SCAF4: variants seen among roughly 807,000 people sequenced by gnomAD.
The protein encoded by SCAF4 is SR-related CTD associated factor 4.
In SCAF4, 25 loss-of-function variants were observed where a neutral mutation model predicts 129.8. The observed-to-expected ratio is 0.19, with a 90% CI of 0.14 to 0.27. The LOEUF (loss-of-function observed/expected upper bound fraction) is 0.27, where lower values mean the gene tolerates loss of function less well. SCAF4 is among the 10% of genes least tolerant of loss of function. The probability of loss-of-function intolerance (pLI) is 1.00; values close to 1 mark genes in which losing one functional copy is unlikely to be tolerated. For missense variants in SCAF4, 1,246 were observed against 1,457.1 expected, an observed-to-expected ratio of 0.86 and a Z score of 2.36; for synonymous variants, 551 against 497.7, an observed-to-expected ratio of 1.11 and a Z score of -1.43.
chr21:31,719,072 C>T (rs911853316), intron 1 of SCAF4, among the ~76,000 whole-genome samples: 7 of 152,112 alleles, frequency 4.6e-5, no homozygotes, highest in African/African-American at 9.7e-5. Context: ...AGACAGATCG[C>T]CTGAGGTCAG....
rs2051377332 is a variant in SCAF4 at position 31,732,026 on chromosome 21, C to G, written c.-334G>C. 3 of 444,552 alleles carry G rather than the reference C, an allele frequency of 6.7e-6. No individual in the cohort carries two copies. Among genetic ancestry groups the G allele is most frequent in the African/African-American group, 6.2e-5 (3 of 48,592 alleles). The allele number at this position is 444,552 out of a possible 1,614,324, so 27.5% of individuals were successfully genotyped here. On this transcript the variant is annotated 5_prime_UTR_variant, in exon 1 of 20. Coordinates refer to ENST00000286835, the MANE Select transcript of SCAF4 (RefSeq NM_020706.2). The stretch of plus-strand genomic sequence containing the variant: ...CCCCGCGCCCTCACGCACTGGCTCA[C>G]ACTGGCCCGGCCGGCGAGCGGGCGG...
chr21:31,701,145 T>C lies in SCAF4; in HGVS notation c.627A>G (p.Gln209=), dbSNP rs1264248044. The change falls in exon 7 of 20, where the codon CAA becomes CAG. Residue 209 remains glutamine, a synonymous_variant. Transcript: ENST00000286835. Reference sequence around the variant, plus strand: ...CAGGAGACTGTGGTTTTGGAGGCTGTTGAAAAGTCTGAAGGATCTGCTGAA... The same window carrying C: ...CAGGAGACTGTGGTTTTGGAGGCTGCTGAAAAGTCTGAAGGATCTGCTGAA... ...QQLQQILQTF[Q]QPPKPQSPAL... 5.0e-6 allele frequency: 8 copies of C among 1,599,270 alleles called. No homozygotes were observed. Among genetic ancestry groups the C allele is most frequent in the South Asian group, 2.2e-5 (2 of 89,228 alleles).
chr21:31,713,251 A>G (rs2050848014), intron 1 of SCAF4, among the ~76,000 whole-genome samples: 1 of 152,198 alleles, frequency 6.6e-6, no homozygotes, highest in Admixed American at 6.5e-5. Flanking sequence ...TTGATTTTCC[A>G]CAATAATTTG....
At chr21:31,713,155 AAAAG>A (rs1255136765) in intron 1 of SCAF4, among the ~76,000 whole-genome samples, 7 of 152,242 alleles carry the variant, frequency 4.6e-5, no homozygotes, top group Admixed American at 4.6e-4. Context: ...AATCTTAAAT[AAAAG>A]AGTTAATTGT....
At chr21:31,690,502 A>C (rs1386068970) in intron 15 of SCAF4, among the ~76,000 whole-genome samples, 1 of 152,188 alleles carries the variant, frequency 6.6e-6, no homozygotes, top group African/African-American at 2.4e-5. Context: ...AAAAAAAAAC[A>C]TAATACCAAA....
intron 15 of SCAF4, among the ~76,000 whole-genome samples, chr21:31,689,239 C>A (rs529859384): frequency 3.9e-5 from 6 of 151,962 alleles, no homozygotes; most frequent in Non-Finnish European, 7.4e-5. Flanking sequence ...GGGAATAGTA[C>A]AGCATTGTTT....
intron 1 of SCAF4, among the ~76,000 whole-genome samples, chr21:31,729,437 C>T (rs1455324378): frequency 6.6e-6 from 1 of 152,158 alleles, no homozygotes; most frequent in Non-Finnish European, 1.5e-5. Flanking sequence ...GTCTTATGTC[C>T]TCTATTGGAT....
rs957337992 is a variant in SCAF4, at chr21:31,693,335, C to T, written c.1472G>A (p.Arg491Gln). ...RRDREKERERRQKGLPQVKPE... is the reference protein window; with the variant it reads ...RRDREKERERQQKGLPQVKPE... Reference sequence around the variant, plus strand: ...TTTCACTTGAGGGAGGCCTTTTTGTCGACGTTCTCTCTCTTTTTCTCGATC... The same window carrying T: ...TTTCACTTGAGGGAGGCCTTTTTGTTGACGTTCTCTCTCTTTTTCTCGATC... The change falls in exon 12 of 20, where the codon CGA (arginine) becomes CAA (glutamine). Residue 491 changes from arginine to glutamine, a missense_variant. By Grantham distance (43) the Arg-to-Gln change is conservative. This residue lies in a region of SCAF4 where 468 missense variants were observed against 605.5 expected (regional missense o/e 0.77). Transcript: ENST00000286835. The T allele has an allele frequency of 2.0e-6, 3 of 1,523,428 alleles. No individual in the cohort carries two copies. The highest frequency in any genetic ancestry group is 2.4e-5 in the East Asian group (1 of 42,024). 94.4% of individuals were successfully genotyped at this position (1,523,428 alleles called of 1,614,324 possible). A position where few individuals can be genotyped will look rare whatever the true frequency, so the allele number is the denominator to read the frequency against.
intron 9 of SCAF4, among the ~76,000 whole-genome samples, chr21:31,695,286 A>T (rs1234701330): frequency 2.0e-5 from 3 of 152,224 alleles, no homozygotes; most frequent in Non-Finnish European, 2.9e-5. Flanking sequence ...TCAAGTCAGA[A>T]GTACTCCATT....
intron 1 of SCAF4, among the ~76,000 whole-genome samples, chr21:31,723,910 C>T (rs2051140017): frequency 6.6e-6 from 1 of 152,094 alleles, no homozygotes; most frequent in Non-Finnish European, 1.5e-5. Context: ...TCACTGAGCC[C>T]TGCTGTTCTC....
chr21:31,694,704 C>T (rs2050341884), intron 10 of SCAF4, 109 bp downstream of exon 10: 4 of 1,072,884 alleles, frequency 3.7e-6, no homozygotes, highest in Admixed American at 4.0e-5. Context: ...AATATGTACC[C>T]AGGTCTTTCT....
At chr21:31,675,514 C>T (rs980611688) in intron 19 of SCAF4, among the ~76,000 whole-genome samples, 2 of 152,172 alleles carry the variant, frequency 1.3e-5, no homozygotes, top group Non-Finnish European at 2.9e-5. Context: ...GATGTAGGAA[C>T]ACAGCTCTCT....
chr21:31,703,832 C>A lies in SCAF4; in HGVS notation c.254G>T (p.Gly85Val). Residue 85 changes from glycine (G) to valine (V), a missense_variant, in exon 4 of 20, where the codon GGG becomes GTG. By Grantham distance (109) the Gly-to-Val change is moderately radical (BLOSUM62 -3). Transcript: ENST00000286835. ...HQFGTDKDVF[G>V]PRFSKNITAT... The stretch of plus-strand genomic sequence containing the variant: ...AGTTATGTTTTTAGAGAATCTTGGC[C>A]CAAAAACATCTTTATCAGTTCCAAA... 6.3e-7 allele frequency: 1 copy of A among 1,598,658 alleles called. No homozygotes were observed. Among genetic ancestry groups the A allele is most frequent in the Non-Finnish European group, 8.6e-7 (1 of 1,168,260 alleles).
chr21:31,676,003 T>C (rs73351374), intron 19 of SCAF4, among the ~76,000 whole-genome samples: 6,569 of 152,186 alleles, frequency 0.043, 449 homozygotes, highest in African/African-American at 0.15. Context: ...TGGCTTTCTG[T>C]CAAGGACCAC....
chr21:31,712,781 C>T (rs900526371), intron 1 of SCAF4: 73 of 444,388 alleles, frequency 1.6e-4, no homozygotes, highest in East Asian at 3.2e-4. Context: ...CCACCCACCT[C>T]GGCCTCCCAA....
rs762545981 is a variant in SCAF4, at chr21:31,694,270, G to A, written c.1256C>T (p.Pro419Leu). The A allele has an allele frequency of 2.1e-5, 34 of 1,604,196 alleles. No individual in the cohort carries two copies. The highest frequency in any genetic ancestry group is 2.6e-5 in the Non-Finnish European group (31 of 1,173,292). Residue 419 changes from proline (P) to leucine (L), a missense_variant, in exon 11 of 20, where the codon CCT becomes CTT. Pro to Leu is a moderately conservative substitution (Grantham distance 98, BLOSUM62 -3). Transcript: ENST00000286835. ...PHQQEMEVEQPCIQEVKRHMS... is the reference protein window; with the variant it reads ...PHQQEMEVEQLCIQEVKRHMS... ...ATGTCGCTTAACCTCTTGAATACAA[G>A]GTTGTTCTACTTCCATTTCCTTAAA...
In SCAF4 at chr21:31,701,175, A is replaced by G. The variant is rs539033385; in HGVS notation, c.601-4T>C. 14 of 1,546,362 alleles carry G rather than the reference A, an allele frequency of 9.1e-6. No homozygotes were observed. In the South Asian group the frequency reaches 1.6e-4, roughly 18 times the overall value. The stretch of plus-strand genomic sequence containing the variant: ...AAGTCTGAAGGATCTGCTGAAGCTT[A>G]AAGAATGGGAAAACCAATAAATCAC... On this transcript the variant is annotated splice_polypyrimidine_tract_variant and splice_region_variant and intron_variant, in intron 6 of 19. Transcript: ENST00000286835.
Position 31,672,185 on chromosome 21 carries a change from C to T in SCAF4, c.2658G>A (p.Met886Ile), listed in dbSNP as rs1215372107. Residue 886 changes from methionine to isoleucine, a missense_variant, in exon 20 of 20, where the codon ATG becomes ATA. This residue lies in a region of SCAF4 where 468 missense variants were observed against 605.5 expected (regional missense o/e 0.77). Transcript: ENST00000286835. Reference protein sequence around the residue: ...MPPRPMPPHMMHRGPPPGPGG... With the variant: ...MPPRPMPPHMIHRGPPPGPGG... ...CTGGTCCTGGCGGTGGGCCTCTGTG[C>T]ATCATGTGCGGTGGCATGGGACGGG... The T allele has an allele frequency of 1.9e-6, 3 of 1,604,982 alleles. No individual in the cohort carries two copies. The highest frequency in any genetic ancestry group is 1.7e-4 in the Middle Eastern group (1 of 5,996).
chr21:31,712,950 C>G (rs2050839867), intron 1 of SCAF4: 2 of 761,388 alleles, frequency 2.6e-6, no homozygotes, highest in African/African-American at 3.8e-5. Context: ...AACTCCTACC[C>G]CCTCTCACAT....
Sources: gnomAD v4.1 joint callset for allele counts (sites outside exome capture counted in the v4.1 genomes callset) on GRCh38, gnomAD v4.1.1 for gene constraint, gnomAD v4.1.1 regional missense constraint, MANE v1.5 for transcripts, NCBI Gene and HGNC (gene_info 2026-07-23, HGNC 2026-07-21) for gene names.